P2RY12: variants seen among roughly 807,000 people sequenced by gnomAD.
P2RY12 encodes the protein purinergic receptor P2Y12.
A neutral mutation model predicts 4.5 loss-of-function variants in P2RY12; 3 were observed. The ratio of observed to expected loss-of-function variants is 0.67; its 90% confidence interval spans 0.31 to 1.74. The LOEUF is 1.74. P2RY12 is among the 40% of genes most tolerant of loss of function. The pLI is 0.09. For missense variants in P2RY12, 356 were observed against 407.8 expected (o/e 0.87, Z 1.09); for synonymous variants, 148 against 154.1 (o/e 0.96, Z 0.29).
intron 1 of P2RY12, among the ~76,000 whole-genome samples, chr3:151,366,432 A>G (rs1263530730): frequency 1.3e-5 from 2 of 152,230 alleles, no homozygotes; most frequent in South Asian, 4.1e-4. Context: ...GTTGGGTTAC[A>G]TAAGAATGTC....
At chr3:151,383,678 T>C (rs1712805947) in intron 1 of P2RY12, 2 of 708,418 alleles carry the variant, frequency 2.8e-6, no homozygotes, top group East Asian at 2.7e-5. Flanking sequence ...GCATCCCTTG[T>C]TTTTTTAAAT....
intron 1 of P2RY12, chr3:151,367,556 T>G (rs948517107): frequency 1.7e-6 from 2 of 1,175,912 alleles, no homozygotes; most frequent in Non-Finnish European, 2.3e-6. Context: ...TGAGATCTTA[T>G]TGGTATTGCC....
At chr3:151,373,771 T>C (rs2108034117) in intron 1 of P2RY12, among the ~76,000 whole-genome samples, 1 of 152,294 alleles carries the variant, frequency 6.6e-6, no homozygotes, top group South Asian at 2.1e-4. Context: ...TAAAAATAGT[T>C]GGTATTTTCA....
At chr3:151,380,308 T>G (rs1460622964) in intron 1 of P2RY12, 1 of 931,624 alleles carries the variant, frequency 1.1e-6, no homozygotes, top group African/African-American at 1.7e-5. Flanking sequence ...GAGATTAAAT[T>G]AATAAGGGCC....
chr3:151,366,139 C>A, intron 1 of P2RY12: 10 of 586,562 alleles, frequency 1.7e-5, no homozygotes, highest in East Asian at 3.3e-5. Flanking sequence ...CAGTAAACCA[C>A]AATGACATTG....
Position 151,375,970 on chromosome 3 carries a change from C to CATATATATAT in P2RY12, c.-180+8712_-180+8721dup, listed in dbSNP as rs148538586. The CATATATATAT allele has an allele frequency of 4.5e-3, 3,660 of 809,794 alleles. 6 individuals are homozygous for CATATATATAT. Among genetic ancestry groups the CATATATATAT allele is most frequent in the Middle Eastern group, 0.022 (49 of 2,268 alleles). 50.2% of individuals were successfully genotyped at this position (809,794 alleles called of 1,614,324 possible). ...TGCACTGTGGATTTAGTACATATTGCATATATATATACCGAAAGCCAGTGC... is the reference window on the plus strand; with the variant it reads ...TGCACTGTGGATTTAGTACATATTGCATATATATATATATATATATACCGAAAGCCAGTGC... On this transcript the variant is annotated intron_variant, in intron 1 of 2. Coordinates refer to ENST00000302632, the MANE Select transcript of P2RY12 (RefSeq NM_022788.5).
At chr3:151,349,191 A>G (rs1213979925) in intron 1 of P2RY12, among the ~76,000 whole-genome samples, 1 of 152,164 alleles carries the variant, frequency 6.6e-6, no homozygotes, top group Non-Finnish European at 1.5e-5. Flanking sequence ...TGGCTGAGGA[A>G]TGTGTTCAGT....
chr3:151,380,285 C>A, intron 1 of P2RY12: 2 of 1,156,144 alleles, frequency 1.7e-6, no homozygotes, highest in Non-Finnish European at 2.5e-6. Context: ...CATTTATTTG[C>A]CTTTCAAATA....
At chr3:151,378,279 T>C in intron 1 of P2RY12, 1 of 1,188,932 alleles carries the variant, frequency 8.4e-7, no homozygotes, top group Non-Finnish European at 1.1e-6. Flanking sequence ...CACTGAAATT[T>C]AGTTTTTAAA....
chr3:151,357,656 A>G (rs937992481), intron 1 of P2RY12, among the ~76,000 whole-genome samples: 1 of 152,170 alleles, frequency 6.6e-6, no homozygotes, highest in Non-Finnish European at 1.5e-5. Flanking sequence ...CTCTACGGTT[A>G]ATGTTGGCCA....
At position 151,338,369 on chromosome 3, in the gene P2RY12, G is replaced by A. The variant is rs764709900; in HGVS notation, c.477C>T (p.Asn159=). ...WAFMFLLSLP[N]MILTNRQPRD... The stretch of plus-strand genomic sequence containing the variant: ...TCGGCTGCCTGTTGGTCAGAATCAT[G>A]TTAGGCAAAGAGAGTAAGAACATGA... Residue 159 remains asparagine (N), a synonymous_variant, in exon 3 of 3, where the codon AAC becomes AAT. Transcript: ENST00000302632. 6.2e-7 allele frequency: 1 copy of A among 1,614,134 alleles called. No homozygotes were observed.
At chr3:151,350,866 A>G (rs1388756018) in intron 1 of P2RY12, among the ~76,000 whole-genome samples, 2 of 152,188 alleles carry the variant, frequency 1.3e-5, no homozygotes, top group Non-Finnish European at 2.9e-5. Flanking sequence ...ACATTGCATA[A>G]TTGGAATTTT....
At chr3:151,344,306 A>T (rs565897332) in intron 1 of P2RY12, among the ~76,000 whole-genome samples, 54 of 3,490 alleles carry the variant, frequency 0.015, no homozygotes, top group African/African-American at 0.082. Context: ...ACTAATGATT[A>T]AAAAAAAACC....
rs2149975280 is a variant in P2RY12, at chr3:151,343,459, C to A, written c.-179-2699G>T. On this transcript the variant is annotated intron_variant, in intron 1 of 2. Transcript: ENST00000302632. ...CAACCACATACCTATTTACAAACCACCTCTGATAACATTTTTTCATTGGAG... is the reference window on the plus strand; with the variant it reads ...CAACCACATACCTATTTACAAACCAACTCTGATAACATTTTTTCATTGGAG... 1.3e-5 allele frequency among the ~76,000 whole-genome samples: 2 copies of A among 152,266 alleles called. 1 individual carries two copies. The highest frequency in any genetic ancestry group is 4.1e-4 in the South Asian group (2 of 4,826).
chr3:151,365,850 G>A (rs1755212624), intron 1 of P2RY12: 1 of 1,606,776 alleles, frequency 6.2e-7, no homozygotes, highest in Non-Finnish European at 8.5e-7. Context: ...TCTTTTCTAG[G>A]ATTAACGACA....
intron 1 of P2RY12, among the ~76,000 whole-genome samples, chr3:151,373,023 A>G (rs1347068445): frequency 1.3e-5 from 2 of 152,148 alleles, no homozygotes; most frequent in East Asian, 3.8e-4. Context: ...GGGTGCATAT[A>G]CCTATTTTTT....
chr3:151,383,575 TA>T (rs1377123266), intron 1 of P2RY12, among the ~76,000 whole-genome samples: 1 of 152,202 alleles, frequency 6.6e-6, no homozygotes, highest in Non-Finnish European at 1.5e-5. Flanking sequence ...TCATTTTAGT[TA>T]ATGTTTGAAT....
chr3:151,380,012 T>A, intron 1 of P2RY12: 1 of 697,666 alleles, frequency 1.4e-6, no homozygotes, highest in African/African-American at 1.8e-5. Flanking sequence ...ATTTACCACC[T>A]CTCTTATTTA....
intron 1 of P2RY12, among the ~76,000 whole-genome samples, chr3:151,347,636 G>A (rs902426378): frequency 6.6e-6 from 1 of 152,146 alleles, no homozygotes; most frequent in African/African-American, 2.4e-5. Context: ...GGGAGGAAGT[G>A]CCCTGGAGTC....
Sources: allele counts gnomAD v4.1 joint callset (sites outside exome capture counted in the v4.1 genomes callset), GRCh38; gene constraint gnomAD v4.1.1; transcripts MANE v1.5; gene names NCBI Gene and HGNC (gene_info 2026-07-23, HGNC 2026-07-21).